DHCR24: variants seen among roughly 807,000 people sequenced by gnomAD.
DHCR24 encodes delta(24)-sterol reductase.
In DHCR24, 28 loss-of-function variants were observed where a neutral mutation model predicts 61.2. The observed-to-expected ratio is 0.46, with a 90% CI of 0.34 to 0.63. The LOEUF (loss-of-function observed/expected upper bound fraction) is 0.63, where lower values mean the gene tolerates loss of function less well. Ranked by LOEUF, DHCR24 falls within the 20% of genes least tolerant of loss-of-function variation. DHCR24 has a pLI of 0.01. For synonymous variants in DHCR24, 261 were observed against 275.9 expected, an observed-to-expected ratio of 0.95 and a Z score of 0.54; for missense variants, 538 against 679.1, an observed-to-expected ratio of 0.79 and a Z score of 2.31.
At position 54,866,913 on chromosome 1, in the gene DHCR24, C is replaced by A. The variant is rs115143524; in HGVS notation, c.877-1467G>T. 5.6e-3 allele frequency among the ~76,000 whole-genome samples: 849 copies of A among 152,320 alleles called. 6 individuals are homozygous for A. The highest frequency in any genetic ancestry group is 8.3e-3 in the Non-Finnish European group (564 of 68,028). On this transcript the variant is annotated intron_variant, in intron 5 of 8. Transcript: ENST00000371269. Reference sequence around the variant, plus strand: ...TGCCTGCTAATGTGAACAGGGGAACCCAGCAGGAAACAGAGCAACCTGATC... The same window carrying A: ...TGCCTGCTAATGTGAACAGGGGAACACAGCAGGAAACAGAGCAACCTGATC...
chr1:54,852,240 C>T lies in DHCR24; in HGVS notation c.1544G>A (p.Arg515Lys). 1 of 1,614,216 alleles carries T rather than the reference C, an allele frequency of 6.2e-7. No homozygotes were observed. The change falls in exon 9 of 9, where the codon AGG becomes AAG. Residue 515 changes from arginine to lysine, a missense_variant. Transcript: ENST00000371269. ...CTCCAGGCGGGCTCCAGCTCAGTGC[C>T]TGGCGGCCTTGCAGATCTTGTCGTA... ...EVYDKICKAA[R>K]H
rs8990 is a variant in DHCR24 at position 54,850,745 on chromosome 1, G to A, written c.*1488C>T. ...ACTTTCCACACAAATGAGGCTTTCC[G>A]TGGGTTTTGCAACCACAGTGTCTAA... On this transcript the variant is annotated 3_prime_UTR_variant, in exon 9 of 9. Transcript: ENST00000371269. 0.078 allele frequency: 11,806 copies of A among 152,268 alleles called. 541 individuals carry two copies. Among genetic ancestry groups the A allele is most frequent in the Admixed American group, 0.11 (1,615 of 15,286 alleles). 9.4% of individuals were successfully genotyped at this position (152,268 alleles called of 1,614,324 possible).
At chr1:54,867,462 G>T (rs2059690) in intron 5 of DHCR24, among the ~76,000 whole-genome samples, 90,187 of 151,794 alleles carry the variant, frequency 0.59, 27,943 homozygotes, top group South Asian at 0.78. Context: ...TGCTGATTCT[G>T]GGAGGGCCTT....
At chr1:54,870,985 G>A (rs946443444) in intron 5 of DHCR24, among the ~76,000 whole-genome samples, 2 of 152,204 alleles carry the variant, frequency 1.3e-5, no homozygotes, top group African/African-American at 4.8e-5. Flanking sequence ...CGAATCTTGT[G>A]GAAGTTTACA....
intron 6 of DHCR24, among the ~76,000 whole-genome samples, chr1:54,856,674 A>G (rs533697057): frequency 1.3e-5 from 2 of 152,124 alleles, no homozygotes; most frequent in Non-Finnish European, 2.9e-5. Flanking sequence ...AATCACTTCT[A>G]TACTGGCAGA....
intron 6 of DHCR24, among the ~76,000 whole-genome samples, chr1:54,857,375 T>C (rs1646913216): frequency 6.6e-6 from 1 of 152,388 alleles, no homozygotes; most frequent in Non-Finnish European, 1.5e-5. Flanking sequence ...TGGCCTTCTA[T>C]GAACACAAGG....
intron 4 of DHCR24, among the ~76,000 whole-genome samples, chr1:54,872,245 A>G (rs1647004425): frequency 6.6e-6 from 1 of 152,188 alleles, no homozygotes; most frequent in Non-Finnish European, 1.5e-5. Flanking sequence ...CTCCCCGGCC[A>G]GCGTTTTTCC....
At position 54,879,352 on chromosome 1, in the gene DHCR24, A is replaced by AAAAAAAAAAAAAAAAAAAAAAG. The variant is rs573285056; in HGVS notation, c.388-3306_388-3305insCTTTTTTTTTTTTTTTTTTTTT. The stretch of plus-strand genomic sequence containing the variant: ...AAAAAAAAAAAAAAAAAAAAAAAAA[A>AAAAAAAAAAAAAAAAAAAAAAG]TCCAAATCAAACTTCTGGAAATGAA... On this transcript the variant is annotated intron_variant, in intron 2 of 8. Transcript: ENST00000371269. Among the ~76,000 whole-genome samples, 12 of 128,230 alleles carry AAAAAAAAAAAAAAAAAAAAAAG rather than the reference A, an allele frequency of 9.4e-5. 1 individual carries two copies. Among genetic ancestry groups the AAAAAAAAAAAAAAAAAAAAAAG allele is most frequent in the African/African-American group, 2.8e-4 (9 of 32,298 alleles). 84.1% of individuals were successfully genotyped at this position (128,230 alleles called of 152,430 possible). A position where few individuals can be genotyped will look rare whatever the true frequency, so the allele number is the denominator to read the frequency against.
At chr1:54,871,309 C>G in intron 5 of DHCR24, 41 bp downstream of exon 5, 1 of 1,611,820 alleles carries the variant, frequency 6.2e-7, no homozygotes, top group Non-Finnish European at 8.5e-7. Flanking sequence ...ACACTCATGC[C>G]TCCCCAGTCT....
intron 6 of DHCR24, 142 bp from the exon 7 acceptor site, chr1:54,854,376 GA>G (rs1646895585): frequency 1.4e-6 from 1 of 698,206 alleles, no homozygotes; most frequent in Non-Finnish European, 2.4e-6. Flanking sequence ...GAGGGGGTGT[GA>G]TGGGACCTAG....
At chr1:54,872,887 T>C (rs1647007419) in intron 4 of DHCR24, among the ~76,000 whole-genome samples, 1 of 152,138 alleles carries the variant, frequency 6.6e-6, no homozygotes, top group Admixed American at 6.5e-5. Context: ...GCTGGGAGTC[T>C]TTCCTTGGGC....
At chr1:54,856,812 T>G (rs774165223) in intron 6 of DHCR24, among the ~76,000 whole-genome samples, 50 of 152,338 alleles carry the variant, frequency 3.3e-4, no homozygotes, top group Non-Finnish European at 5.6e-4. Flanking sequence ...TGTGTGCAAT[T>G]TTCATGGATA....
Position 54,875,967 on chromosome 1 carries a change from C to T in DHCR24, c.468G>A (p.Leu156=), listed in dbSNP as rs777315130. 2.5e-6 allele frequency: 4 copies of T among 1,613,946 alleles called. No homozygotes were observed. The highest frequency in any genetic ancestry group is 8.5e-7 in the Non-Finnish European group (1 of 1,179,852). Residue 156 remains leucine (L), a synonymous_variant, in exon 3 of 9, where the codon TTG becomes TTA. Coordinates refer to ENST00000371269, the MANE Select transcript of DHCR24 (RefSeq NM_014762.4). ...CCACTGTGAGGTCATCAAGCTCAGG[C>T]AACACGGGGAGAGTCCAGCCAATGG... ...LTSIGWTLPV[L]PELDDLTVGG...
intron 6 of DHCR24, among the ~76,000 whole-genome samples, chr1:54,864,928 G>A (rs564158150): frequency 6.6e-6 from 1 of 152,084 alleles, no homozygotes; most frequent in Admixed American, 6.6e-5. Context: ...CTGTTACCTC[G>A]AGCCCTAGGC....
intron 6 of DHCR24, among the ~76,000 whole-genome samples, chr1:54,862,382 A>G (rs34292018): frequency 0.027 from 4,134 of 152,222 alleles, 171 homozygotes; most frequent in East Asian, 0.12. Flanking sequence ...TGACATTCCT[A>G]TGGCCAAATC....
In DHCR24 at chr1:54,883,204, T is replaced by C. The variant is rs1647073598; in HGVS notation, c.387+414A>G. Among the ~76,000 whole-genome samples, 1 of 152,162 alleles carries C rather than the reference T, an allele frequency of 6.6e-6. No individual in the cohort carries two copies. The highest frequency in any genetic ancestry group is 6.5e-5 in the Admixed American group (1 of 15,278). On this transcript the variant is annotated intron_variant, in intron 2 of 8. Coordinates refer to ENST00000371269, the MANE Select transcript of DHCR24 (RefSeq NM_014762.4). The surrounding 1 kb of genome is among the most constrained non-coding windows in gnomAD (Gnocchi z 4.3). ...GCCAGGTTTCGAGAAGTAAAATTAC[T>C]AGATGGGCCAAAAAGTATGTACATT...
intron 5 of DHCR24, among the ~76,000 whole-genome samples, chr1:54,868,095 A>T (rs1646977094): frequency 1.3e-5 from 2 of 152,180 alleles, no homozygotes; most frequent in African/African-American, 4.8e-5. Context: ...CACAACTTTA[A>T]AATGTTTTAA....
chr1:54,879,252 G>A lies in DHCR24; in HGVS notation c.388-3205C>T, dbSNP rs1198697998. Among the ~76,000 whole-genome samples, 3 of 148,476 alleles carry A rather than the reference G, an allele frequency of 2.0e-5. No homozygotes were observed. The East Asian group carries it at 6.1e-4, about 30-fold the overall frequency. On this transcript the variant is annotated intron_variant, in intron 2 of 8. Transcript: ENST00000371269. ...GAGAATCGCTGGAACCCAGGAGGTG[G>A]AGGTTGCAGTGAGCCGAAATCACGC...
chr1:54,873,855 G>A (rs1647012659), intron 4 of DHCR24, among the ~76,000 whole-genome samples: 1 of 152,106 alleles, frequency 6.6e-6, no homozygotes, highest in Admixed American at 6.6e-5. Context: ...AGGCCATGTT[G>A]CCCAGGCTGG....
Sources: allele counts gnomAD v4.1 joint callset (sites outside exome capture counted in the v4.1 genomes callset), GRCh38; gene constraint gnomAD v4.1.1; non-coding constraint Gnocchi (gnomAD v3.1); transcripts MANE v1.5; gene names NCBI Gene and HGNC (gene_info 2026-07-23, HGNC 2026-07-21).